Variants in TULP4 observed in about 807,000 individuals in gnomAD.
The protein encoded by TULP4 is TUB like protein 4, also known as tubby-related protein 4.
Under a neutral mutation model 129.0 loss-of-function variants are expected in TULP4, and 16 were observed. That is an observed-to-expected ratio of 0.12 (90% CI 0.08 to 0.19). The LOEUF (loss-of-function observed/expected upper bound fraction) is 0.19, where lower values mean the gene tolerates loss of function less well. TULP4 is among the 10% of genes least tolerant of loss of function. The probability of loss-of-function intolerance (pLI) is 1.00; values close to 1 mark genes in which losing one functional copy is unlikely to be tolerated. For missense variants in TULP4, 1,842 were observed against 2,059.1 expected (o/e 0.89, Z 2.04); for synonymous variants, 998 against 854.0 (o/e 1.17, Z -2.94).
chr6:158,408,121 A>G (rs1040938381), intron 1 of TULP4, among the ~76,000 whole-genome samples: 1 of 152,214 alleles, frequency 6.6e-6, no homozygotes, highest in African/African-American at 2.4e-5. Flanking sequence ...CAAAGTTCTC[A>G]GTCTGGTGTG....
chr6:158,348,173 G>GTTTTTTTTTTTTTTTTT (rs34217788), intron 1 of TULP4, among the ~76,000 whole-genome samples: 1 of 112,170 alleles, frequency 8.9e-6, no homozygotes, highest in African/African-American at 3.8e-5. Context: ...TTTTTTTAAG[G>GTTTTTTTTTTTTTTTTT]TTTTTTTTTT....
intron 1 of TULP4, among the ~76,000 whole-genome samples, chr6:158,261,888 AG>A: frequency 6.6e-6 from 1 of 152,248 alleles, no homozygotes; most frequent in Admixed American, 6.5e-5. Context: ...GAGGGTGGGA[AG>A]GGCAAAGGAC....
At chr6:158,441,458 T>A (rs994763195) in intron 3 of TULP4, among the ~76,000 whole-genome samples, 1 of 152,240 alleles carries the variant, frequency 6.6e-6, no homozygotes, top group African/African-American at 2.4e-5. Context: ...CACAGCATGA[T>A]GATGGCCTTG....
At chr6:158,443,457 T>C (rs1200961749) in intron 3 of TULP4, among the ~76,000 whole-genome samples, 2 of 152,166 alleles carry the variant, frequency 1.3e-5, no homozygotes, top group African/African-American at 4.8e-5. Context: ...CAGACTATTC[T>C]CTACTCCTAG....
Position 158,508,892 on chromosome 6 carries a change from T to G in TULP4, c.*2198T>G, listed in dbSNP as rs1372243245. 3 of 138,224 alleles carry G rather than the reference T, an allele frequency of 2.2e-5. No homozygotes were observed. The highest frequency in any genetic ancestry group is 2.5e-4 in the South Asian group (1 of 4,006). 8.6% of individuals were successfully genotyped at this position (138,224 alleles called of 1,614,324 possible). On this transcript the variant is annotated 3_prime_UTR_variant, in exon 14 of 14. Coordinates refer to ENST00000367097, the MANE Select transcript of TULP4 (RefSeq NM_020245.5). ...TATGATAGAAGGTTTTTTTTTTTTT[T>G]TTTTTTTTTTTTTGAGACGGAGTCC... is the stretch of plus-strand genomic sequence containing the variant.
intron 6 of TULP4, among the ~76,000 whole-genome samples, chr6:158,476,244 T>C (rs1314233454): frequency 6.6e-6 from 1 of 152,238 alleles, no homozygotes; most frequent in African/African-American, 2.4e-5. Flanking sequence ...GAGTAAGTTT[T>C]CACTTACTTG....
intron 8 of TULP4, among the ~76,000 whole-genome samples, chr6:158,487,283 A>G (rs1381438727): frequency 6.6e-6 from 1 of 151,960 alleles, no homozygotes; most frequent in East Asian, 1.9e-4. Context: ...TAAAGAAAAT[A>G]CAAAAAATTA....
intron 8 of TULP4, among the ~76,000 whole-genome samples, chr6:158,484,145 C>G (rs546758215): frequency 3.9e-4 from 59 of 151,768 alleles, no homozygotes; most frequent in Admixed American, 1.2e-3. Context: ...CCAGGCTGGT[C>G]TCACCTCCTG....
intron 6 of TULP4, among the ~76,000 whole-genome samples, chr6:158,463,649 AATAT>A (rs60561997): frequency 0.41 from 56,404 of 137,570 alleles, 12,723 homozygotes; most frequent in African/African-American, 0.61. Flanking sequence ...GTATAATAAA[AATAT>A]ATATATATAT....
At chr6:158,421,404 GAAC>G (rs1778337359) in intron 2 of TULP4, among the ~76,000 whole-genome samples, 1 of 89,940 alleles carries the variant, frequency 1.1e-5, no homozygotes, top group Non-Finnish European at 3.4e-5. Context: ...CAGAAAGGCA[GAAC>G]AACTCAAAGG....
At chr6:158,460,016 T>C (rs531052330) in intron 5 of TULP4, among the ~76,000 whole-genome samples, 1 of 152,322 alleles carries the variant, frequency 6.6e-6, no homozygotes, top group East Asian at 1.9e-4. Flanking sequence ...TTTATGTAAT[T>C]TTTCATTTCC....
Position 158,504,129 on chromosome 6 carries a change from T to C in TULP4, c.4466T>C (p.Val1489Ala). The C allele has an allele frequency of 6.2e-7, 1 of 1,607,712 alleles. No individual in the cohort carries two copies. The highest frequency in any genetic ancestry group is 8.5e-7 in the Non-Finnish European group (1 of 1,177,634). ...QVYQLDFGGR[V>A]TQESAKNFQI... is the part of the protein sequence containing the mutation. ...TACCAGCTGGACTTCGGGGGGCGGG[T>C]GACCCAGGAGTCCGCCAAGAACTTC... The change falls in exon 13 of 14, where the codon GTG becomes GCG. Residue 1489 changes from valine to alanine, a missense_variant. Around this residue, in one of 5 missense-constraint regions of TULP4, gnomAD observed 47 missense variants for 104.0 expected, o/e 0.45. Transcript: ENST00000367097.
rs1777959633 is a variant in TULP4 at position 158,405,479 on chromosome 6, GGCACCGTTGCATTAA to G, written c.253-7581_253-7567del. 2.0e-5 allele frequency among the ~76,000 whole-genome samples: 3 copies of G among 152,152 alleles called. No homozygotes were observed. In the South Asian group the frequency reaches 6.2e-4, roughly 32 times the overall value. On this transcript the variant is annotated intron_variant, in intron 1 of 13. Coordinates refer to ENST00000367097, the MANE Select transcript of TULP4 (RefSeq NM_020245.5). Reference sequence around the variant, plus strand: ...GTGTTGAGAATGTGGGGGTCAAAAGGGCACCGTTGCATTAAGCACATGATTTACAGCTGTGACGGT... The same window carrying G: ...GTGTTGAGAATGTGGGGGTCAAAAGGGCACATGATTTACAGCTGTGACGGT...
intron 1 of TULP4, among the ~76,000 whole-genome samples, chr6:158,409,223 G>GT (rs1195882210): frequency 1.3e-5 from 2 of 152,116 alleles, no homozygotes; most frequent in East Asian, 3.8e-4. Flanking sequence ...TCTGCCCTAT[G>GT]TTTTTTTGTG....
At chr6:158,370,439 A>G (rs902321664) in intron 1 of TULP4, among the ~76,000 whole-genome samples, 13 of 149,148 alleles carry the variant, frequency 8.7e-5, no homozygotes, top group Non-Finnish European at 1.9e-4. Context: ...CCTGGACAAC[A>G]AGAACAAAAC....
chr6:158,502,104 A>C lies in TULP4; in HGVS notation c.2441A>C (p.Glu814Ala), dbSNP rs1780461511. The change falls in exon 13 of 14, where the codon GAG (glutamate) becomes GCG (alanine). Residue 814 changes from glutamate to alanine, a missense_variant. This residue lies in a region of TULP4 where 1,089 missense variants were observed against 987.1 expected (regional missense o/e 1.10). Coordinates refer to ENST00000367097, the MANE Select transcript of TULP4 (RefSeq NM_020245.5). ...CGGCCAACACCGCAGCTGGCAGCTG[A>C]GGGGGACGCAGTGGTCTTTAGTGCC... ...ALRPTPQLAA[E>A]GDAVVFSAPQ... The C allele has an allele frequency of 1.2e-6, 2 of 1,610,616 alleles. No individual in the cohort carries two copies. The highest frequency in any genetic ancestry group is 1.7e-6 in the Non-Finnish European group (2 of 1,178,394).
intron 3 of TULP4, among the ~76,000 whole-genome samples, chr6:158,431,770 C>G (rs1004079518): frequency 6.6e-6 from 1 of 152,020 alleles, no homozygotes; most frequent in Non-Finnish European, 1.5e-5. Context: ...AAGGGGGACT[C>G]CTGGGGCTGG....
At chr6:158,391,609 G>A (rs570946573) in intron 1 of TULP4, among the ~76,000 whole-genome samples, 16 of 152,212 alleles carry the variant, frequency 1.1e-4, no homozygotes, top group African/African-American at 2.4e-4. Context: ...TTCAAATGAC[G>A]TTTCATACCT....
intron 1 of TULP4, among the ~76,000 whole-genome samples, chr6:158,236,316 A>C (rs538646458): frequency 6.6e-6 from 1 of 152,380 alleles, no homozygotes; most frequent in East Asian, 1.9e-4. Context: ...GACAAATGAC[A>C]AACTGGAAAA....
Sources: gnomAD v4.1 joint callset for allele counts (sites outside exome capture counted in the v4.1 genomes callset) on GRCh38, gnomAD v4.1.1 for gene constraint, gnomAD v4.1.1 regional missense constraint, MANE v1.5 for transcripts, NCBI Gene and HGNC (gene_info 2026-07-23, HGNC 2026-07-21) for gene names.